Variants in EFTUD2 observed in about 807,000 individuals in gnomAD.
EFTUD2 encodes elongation factor Tu GTP binding domain containing 2.
EFTUD2 carries 9 observed loss-of-function variants against 114.3 expected under a neutral mutation model. The observed-to-expected ratio is 0.08, with a 90% CI of 0.05 to 0.14. The LOEUF (loss-of-function observed/expected upper bound fraction) is 0.14, where lower values mean the gene tolerates loss of function less well. Ranked by LOEUF, EFTUD2 falls within the 10% of genes least tolerant of loss-of-function variation. The pLI is 1.00. For missense variants in EFTUD2, 765 were observed against 1,241.2 expected (o/e 0.62, Z 5.76); for synonymous variants, 449 against 462.3 (o/e 0.97, Z 0.37).
intron 16 of EFTUD2, among the ~76,000 whole-genome samples, chr17:44,862,471 C>T (rs990099707): frequency 3.3e-5 from 5 of 152,104 alleles, no homozygotes; most frequent in African/African-American, 1.2e-4. Flanking sequence ...AAAGTTCACA[C>T]GAGCCACCCA....
At chr17:44,880,394 A>C in intron 8 of EFTUD2, 160 bp downstream of exon 8, 1 of 548,898 alleles carries the variant, frequency 1.8e-6, no homozygotes, top group Non-Finnish European at 3.3e-6. Context: ...TAAATTAACA[A>C]GTCAGAAACA....
rs1404619205 is a variant in EFTUD2 at position 44,859,547 on chromosome 17, A to G, written c.1860+358T>C. 6 of 497,330 alleles carry G rather than the reference A, an allele frequency of 1.2e-5. No individual in the cohort carries two copies. The East Asian group carries it at 2.1e-4, about 17-fold the overall frequency. 30.8% of individuals were successfully genotyped at this position (497,330 alleles called of 1,614,324 possible). A position where few individuals can be genotyped will look rare whatever the true frequency, so the allele number is the denominator to read the frequency against. On this transcript the variant is annotated intron_variant, in intron 18 of 27. Transcript: ENST00000426333. The stretch of plus-strand genomic sequence containing the variant: ...TGTACAAGGATCAGAGTAACAACTC[A>G]CTTTTCCTTCTCTTCTCGAGAAAAT...
rs57404744 is a variant in EFTUD2 at position 44,862,691 on chromosome 17, C to T, written c.1607+22G>A. 0.037 allele frequency: 58,967 copies of T among 1,605,260 alleles called. 2,864 individuals are homozygous for T. Among genetic ancestry groups the T allele is most frequent in the South Asian group, 0.16 (14,179 of 89,728 alleles). On this transcript the variant is annotated intron_variant, in intron 16 of 27. Transcript: ENST00000426333. The stretch of plus-strand genomic sequence containing the variant: ...CCTGGATAGACACCAAGGCATACTC[C>T]TGGGGCTCTGGTTGGCAGTACCTGG...
rs1208276921 is a variant in EFTUD2, at chr17:44,859,897, G to A, written c.1860+8C>T. ...GGGCTTGGCGGCTGCTGCAGGCCAT[G>A]GGCATACCTTGGTGGTGAGGGATGG... On this transcript the variant is annotated splice_region_variant and intron_variant, in intron 18 of 27. Coordinates refer to ENST00000426333, the MANE Select transcript of EFTUD2 (RefSeq NM_004247.4). 1.2e-6 allele frequency: 2 copies of A among 1,614,070 alleles called. No homozygotes were observed. The highest frequency in any genetic ancestry group is 1.7e-6 in the Non-Finnish European group (2 of 1,180,026).
At chr17:44,859,641 G>GCGCACA (rs1555565267) in intron 18 of EFTUD2, 1 of 472,150 alleles carries the variant, frequency 2.1e-6, no homozygotes, top group African/African-American at 2.0e-5. Context: ...ACACAAATAC[G>GCGCACA]CACACACACA....
chr17:44,869,887 G>C (rs187586391), intron 11 of EFTUD2, among the ~76,000 whole-genome samples: 1 of 152,146 alleles, frequency 6.6e-6, no homozygotes, highest in African/African-American at 2.4e-5. Context: ...GATTCTGTTC[G>C]TCCACTGGAT....
At chr17:44,859,019 G>T in intron 19 of EFTUD2, 61 bp downstream of exon 19, 1 of 1,099,858 alleles carries the variant, frequency 9.1e-7, no homozygotes, top group Non-Finnish European at 1.4e-6. Context: ...GGAATTCAAG[G>T]ATTTGGTCAC....
Position 44,881,725 on chromosome 17 carries a change from G to GA in EFTUD2, c.493-4dup, listed in dbSNP as rs779361868. 2.5e-6 allele frequency: 4 copies of GA among 1,613,516 alleles called. No individual in the cohort carries two copies. The highest frequency in any genetic ancestry group is 3.3e-5 in the Admixed American group (2 of 59,962). ...AAGAGGATGTCAGTATAGCACAGCT[G>GA]AAAAAAAATTAACTGTTGTTACCAC... is the stretch of plus-strand genomic sequence containing the variant. On this transcript the variant is annotated splice_region_variant and splice_polypyrimidine_tract_variant and intron_variant, in intron 6 of 27. Transcript: ENST00000426333.
At chr17:44,852,262 G>T in intron 26 of EFTUD2, 147 bp downstream of exon 26, 2 of 906,162 alleles carry the variant, frequency 2.2e-6, no homozygotes, top group Non-Finnish European at 3.2e-6. Context: ...ACAGATTCAA[G>T]TTGCCCTGAA....
intron 2 of EFTUD2, among the ~76,000 whole-genome samples, chr17:44,888,398 A>G (rs895883624): frequency 2.6e-5 from 4 of 152,208 alleles, no homozygotes; most frequent in Admixed American, 6.5e-5. Flanking sequence ...CAATGTCAAC[A>G]GTGCTGAGAT....
intron 9 of EFTUD2, 101 bp downstream of exon 9, chr17:44,879,455 A>T: frequency 8.4e-7 from 1 of 1,196,262 alleles, no homozygotes; most frequent in Non-Finnish European, 1.2e-6. Context: ...AGAGAGTTTC[A>T]AGTTCTCTGG....
chr17:44,892,220 G>A (rs1313656645), intron 2 of EFTUD2: 1 of 152,172 alleles, frequency 6.6e-6, no homozygotes, highest in Admixed American at 6.5e-5. Context: ...GGGCACAATG[G>A]TTCCCCTATG....
chr17:44,876,229 T>G, intron 9 of EFTUD2, 129 bp from the exon 10 acceptor site: 1 of 1,106,144 alleles, frequency 9.0e-7, no homozygotes. Context: ...GAAATATTAC[T>G]GGGTGGAAGC....
intron 27 of EFTUD2, 76 bp from the exon 28 acceptor site, chr17:44,851,445 T>C: frequency 1.6e-6 from 2 of 1,254,018 alleles, no homozygotes; most frequent in Non-Finnish European, 2.3e-6. Context: ...AAGACCTGTG[T>C]TCAGTGGGGA....
chr17:44,856,956 A>G (rs2050567948), intron 20 of EFTUD2, 119 bp downstream of exon 20: 3 of 792,486 alleles, frequency 3.8e-6, no homozygotes, highest in South Asian at 3.0e-5. Context: ...AGCACCCCCT[A>G]TTCTGAGCTG....
intron 1 of EFTUD2, among the ~76,000 whole-genome samples, chr17:44,896,837 C>T (rs912160014): frequency 7.9e-5 from 12 of 152,156 alleles, no homozygotes; most frequent in Non-Finnish European, 8.8e-5. Context: ...CAACCTGATT[C>T]CTATTCTTCA....
chr17:44,891,628 G>C (rs1178770781), intron 2 of EFTUD2, among the ~76,000 whole-genome samples: 2 of 152,252 alleles, frequency 1.3e-5, no homozygotes, highest in South Asian at 4.1e-4. Context: ...GGGGTTATAG[G>C]TGTGAGCCAC....
chr17:44,891,969 A>C (rs8073674), intron 2 of EFTUD2: 19,410 of 152,022 alleles, frequency 0.13, 1,308 homozygotes, highest in East Asian at 0.24. Flanking sequence ...CACGTTGGCC[A>C]GGCTGGTCTC....
At chr17:44,874,337 G>A (rs114953698) in intron 10 of EFTUD2, among the ~76,000 whole-genome samples, 344 of 152,152 alleles carry the variant, frequency 2.3e-3, no homozygotes, top group African/African-American at 8.0e-3. Flanking sequence ...AAGCTATCAC[G>A]CTTGGCCTTC....
Sources: gnomAD v4.1 joint callset for allele counts (sites outside exome capture counted in the v4.1 genomes callset) on GRCh38, gnomAD v4.1.1 for gene constraint, MANE v1.5 for transcripts, NCBI Gene and HGNC (gene_info 2026-07-23, HGNC 2026-07-21) for gene names.